Variants in NUP98 observed in about 807,000 individuals in gnomAD.
NUP98 encodes the protein nuclear pore complex protein Nup98-Nup96.
Under a neutral mutation model 191.9 loss-of-function variants are expected in NUP98, and 26 were observed. That is an observed-to-expected ratio of 0.14 (90% CI 0.10 to 0.19). NUP98 has a LOEUF of 0.19. NUP98 is among the 10% of genes least tolerant of loss of function. NUP98 has a pLI of 1.00. For missense variants in NUP98, 1,941 were observed against 2,178.8 expected (o/e 0.89, Z 2.17); for synonymous variants, 808 against 778.4 (o/e 1.04, Z -0.63).
At chr11:3,746,020 A>C (rs1025290645) in intron 11 of NUP98, among the ~76,000 whole-genome samples, 2 of 152,164 alleles carry the variant, frequency 1.3e-5, no homozygotes, top group Non-Finnish European at 2.9e-5. Context: ...CTGTAATCCC[A>C]GCACTTTGGG....
intron 25 of NUP98, among the ~76,000 whole-genome samples, chr11:3,695,890 G>A (rs2957865): frequency 0.23 from 35,550 of 151,914 alleles, 4,809 homozygotes; most frequent in African/African-American, 0.35. Flanking sequence ...AGACACCTCA[G>A]CTACAAAATG....
chr11:3,755,540 C>A (rs886756680), intron 10 of NUP98, among the ~76,000 whole-genome samples: 6 of 151,954 alleles, frequency 3.9e-5, no homozygotes, highest in African/African-American at 1.5e-4. Flanking sequence ...TATTTTAGAA[C>A]AGATGAAAGT....
intron 2 of NUP98, among the ~76,000 whole-genome samples, chr11:3,781,771 G>C (rs1246900345): frequency 1.3e-5 from 2 of 151,950 alleles, no homozygotes; most frequent in Non-Finnish European, 2.9e-5. Context: ...CTGAAAATTA[G>C]TAACAAATTA....
chr11:3,778,357 C>G (rs761979706), intron 4 of NUP98, among the ~76,000 whole-genome samples: 3 of 152,120 alleles, frequency 2.0e-5, no homozygotes, highest in Non-Finnish European at 4.4e-5. Context: ...GAAGTATCCC[C>G]AAGTCATGTT....
intron 6 of NUP98, among the ~76,000 whole-genome samples, chr11:3,773,319 T>C (rs968386982): frequency 6.6e-6 from 1 of 151,028 alleles, no homozygotes; most frequent in African/African-American, 2.4e-5. Flanking sequence ...ACATGAAGCC[T>C]GGGAAGCTGA....
chr11:3,734,986 C>A (rs2079990581), intron 13 of NUP98, among the ~76,000 whole-genome samples: 1 of 152,192 alleles, frequency 6.6e-6, no homozygotes, highest in African/African-American at 2.4e-5. Flanking sequence ...CATTGATCTT[C>A]AGTGTAGTGG....
chr11:3,787,455 T>C (rs2082181799), intron 1 of NUP98, among the ~76,000 whole-genome samples: 1 of 152,042 alleles, frequency 6.6e-6, no homozygotes, highest in South Asian at 2.1e-4. Flanking sequence ...CGGTGGCGCA[T>C]GCCTGTAATC....
chr11:3,713,618 C>T lies in NUP98; in HGVS notation c.2577+200G>A, dbSNP rs560894418. Among the ~76,000 whole-genome samples, 304 of 152,166 alleles carry T rather than the reference C, an allele frequency of 2.0e-3. 2 individuals carry two copies. Among genetic ancestry groups the T allele is most frequent in the African/African-American group, 3.0e-3 (124 of 41,524 alleles). ...CCTATAATCCCAGCTACTTGGGAGG[C>T]GGAGGCAGAAGGATTGCTTGAGCCC... On this transcript the variant is annotated intron_variant, in intron 19 of 32. Transcript: ENST00000324932.
chr11:3,729,715 C>CAAAAAAAAA lies in NUP98; in HGVS notation c.1730+1667_1730+1675dup, dbSNP rs755816362. ...GGGCAATGGCATAAGACTCTTGCCT[C>CAAAAAAAAA]AAAAAAAAAAAAAAAAAAAAAAAAA... On this transcript the variant is annotated intron_variant, in intron 14 of 32. Coordinates refer to ENST00000324932, the MANE Select transcript of NUP98 (RefSeq NM_016320.5). Among the ~76,000 whole-genome samples, 81 of 37,402 alleles carry CAAAAAAAAA rather than the reference C, an allele frequency of 2.2e-3. 4 individuals carry two copies. Among genetic ancestry groups the CAAAAAAAAA allele is most frequent in the Non-Finnish European group, 2.8e-3 (53 of 18,644 alleles). 24.5% of individuals were successfully genotyped at this position (37,402 alleles called of 152,430 possible). A position where few individuals can be genotyped will look rare whatever the true frequency, so the allele number is the denominator to read the frequency against.
chr11:3,705,473 G>C, intron 21 of NUP98, 117 bp from the exon 22 acceptor site: 1 of 956,786 alleles, frequency 1.0e-6, no homozygotes, highest in Non-Finnish European at 1.6e-6. Flanking sequence ...TGTGTACAGA[G>C]CTAGTATATT....
Position 3,735,218 on chromosome 11 carries a change from C to G in NUP98, c.1515G>C (p.Pro505=). 1.3e-6 allele frequency: 2 copies of G among 1,595,298 alleles called. No homozygotes were observed. The highest frequency in any genetic ancestry group is 1.7e-5 in the Admixed American group (1 of 58,956). The part of the protein sequence containing the change: ...PFGDSPLFRN[P]MSDPKKKEER... ...CTTCCTTCTTCTTAGGGTCTGACAT[C>G]GGATTCCGGAAGAGAGGAGAGTCTC... Residue 505 remains proline, a synonymous_variant, in exon 13 of 33, where the codon CCG becomes CCC. Transcript: ENST00000324932.
intron 1 of NUP98, among the ~76,000 whole-genome samples, chr11:3,786,319 T>C (rs1371427002): frequency 3.9e-5 from 6 of 152,222 alleles, no homozygotes; most frequent in African/African-American, 9.6e-5. Context: ...CTGGCAAATA[T>C]GGGAGTTCTA....
At chr11:3,736,392 T>A (rs564721959) in intron 12 of NUP98, among the ~76,000 whole-genome samples, 88 of 152,306 alleles carry the variant, frequency 5.8e-4, no homozygotes, top group African/African-American at 2.1e-3. Flanking sequence ...GTGCAGTGGC[T>A]CATGCCTGTA....
chr11:3,749,305 A>G (rs2080647138), intron 11 of NUP98, among the ~76,000 whole-genome samples: 2 of 143,374 alleles, frequency 1.4e-5, no homozygotes, highest in African/African-American at 5.2e-5. Context: ...ACAGAGCGAG[A>G]CTCCGTCTCA....
At chr11:3,702,305 ACACACACACTCTCTCTCTCT>A (rs1346100796) in intron 23 of NUP98, among the ~76,000 whole-genome samples, 138 bp downstream of exon 23, 1 of 59,472 alleles carries the variant, frequency 1.7e-5, no homozygotes, top group African/African-American at 6.1e-5. Context: ...ACACACACAC[ACACACACACTCTCTCTCTCT>A]CTCTCTCTCT....
At chr11:3,706,345 T>C (rs143965282) in intron 21 of NUP98, 100 bp downstream of exon 21, 23 of 1,098,474 alleles carry the variant, frequency 2.1e-5, no homozygotes, top group Non-Finnish European at 3.0e-5. Flanking sequence ...CAGTGAGCAC[T>C]CAATGATCTT....
chr11:3,742,571 C>T (rs1377154050), intron 12 of NUP98, among the ~76,000 whole-genome samples: 1 of 151,642 alleles, frequency 6.6e-6, no homozygotes, highest in Admixed American at 6.6e-5. Flanking sequence ...TGGTGGCAGG[C>T]ACCTGTAATC....
intron 28 of NUP98, among the ~76,000 whole-genome samples, chr11:3,688,820 CATATAT>C (rs71041372): frequency 1.0e-3 from 139 of 136,270 alleles, no homozygotes; most frequent in South Asian, 2.3e-3. Flanking sequence ...TTTAAATATA[CATATAT>C]ATATATATAT....
chr11:3,701,170 T>C (rs1307823469), intron 23 of NUP98, among the ~76,000 whole-genome samples: 1 of 151,972 alleles, frequency 6.6e-6, no homozygotes, highest in Non-Finnish European at 1.5e-5. Flanking sequence ...TACTTGGGTA[T>C]CAAAAGTCAT....
Sources: allele counts gnomAD v4.1 joint callset (sites outside exome capture counted in the v4.1 genomes callset), GRCh38; gene constraint gnomAD v4.1.1; transcripts MANE v1.5; gene names NCBI Gene and HGNC (gene_info 2026-07-23, HGNC 2026-07-21).